The following L1TD1 variants were observed in gnomAD, a reference collection of about 807,000 sequenced individuals.
L1TD1 encodes the protein LINE1 type transposase domain containing 1.
A neutral mutation model predicts 25.7 loss-of-function variants in L1TD1; 26 were observed. That is an observed-to-expected ratio of 1.01 (90% CI 0.74 to 1.40). The LOEUF is 1.40. Ranked by LOEUF, L1TD1 falls within the 40% of genes most tolerant of loss-of-function variation. The pLI, the probability that L1TD1 is intolerant of heterozygous loss-of-function variation, is 0.00. For missense variants in L1TD1, 1,130 were observed against 975.0 expected (o/e 1.16, Z -2.12); for synonymous variants, 421 against 335.6 (o/e 1.25, Z -2.78).
chr1:62,209,313 G>GTTTTTTTTT (rs759636073), intron 3 of L1TD1, among the ~76,000 whole-genome samples: 1 of 133,788 alleles, frequency 7.5e-6, no homozygotes, highest in Non-Finnish European at 1.6e-5. Flanking sequence ...TTTTAATTGG[G>GTTTTTTTTT]TTTGTTGTCT....
Position 62,207,256 on chromosome 1 carries a change from G to A in L1TD1, c.628G>A (p.Glu210Lys), listed in dbSNP as rs1461351088. The A allele has an allele frequency of 6.4e-7, 1 of 1,551,160 alleles. No individual in the cohort carries two copies. The highest frequency in any genetic ancestry group is 8.7e-7 in the Non-Finnish European group (1 of 1,146,890). Residue 210 changes from glutamate to lysine, a missense_variant, in exon 3 of 4, where the codon GAA becomes AAA. Glu to Lys is a moderately conservative substitution (Grantham distance 56). Coordinates refer to ENST00000498273, the MANE Select transcript of L1TD1 (RefSeq NM_019079.5). ...RKDGEDEFVK[E>K]MREERKFQKL... The stretch of plus-strand genomic sequence containing the variant: ...GGATGGAGAGGATGAATTTGTCAAA[G>A]AAATGAGAGAGGAAAGAAAATTTCA...
chr1:62,207,303 G>C lies in L1TD1; in HGVS notation c.675G>C (p.Glu225Asp), dbSNP rs1281640889. Residue 225 changes from glutamate (E) to aspartate (D), a missense_variant, in exon 3 of 4, where the codon GAG (glutamate) becomes GAC (aspartate). Glu to Asp is a conservative substitution (Grantham distance 45). Coordinates refer to ENST00000498273, the MANE Select transcript of L1TD1 (RefSeq NM_019079.5). ...RKFQKLKNKE[E>D]VLKASREEKV... is the part of the protein sequence containing the mutation. The stretch of plus-strand genomic sequence containing the variant: ...TTCAGAAATTGAAGAATAAAGAGGA[G>C]GTTTTAAAAGCCTCCAGAGAAGAAA... The C allele has an allele frequency of 3.9e-6, 6 of 1,550,370 alleles. No homozygotes were observed. The highest frequency in any genetic ancestry group is 5.2e-6 in the Non-Finnish European group (6 of 1,146,702).
chr1:62,207,357 T>G lies in L1TD1; in HGVS notation c.729T>G (p.Leu243=). The change falls in exon 3 of 4, where the codon CTT becomes CTG. Residue 243 remains leucine (L), a synonymous_variant. Transcript: ENST00000498273. ...TGTTGATGGATGAAGGAGCAGTACT[T>G]ACCCTGGTAGCCGACCTTTCATCAG... is the stretch of plus-strand genomic sequence containing the variant. ...EKVLMDEGAV[L]TLVADLSSAT... The G allele has an allele frequency of 1.9e-6, 3 of 1,551,556 alleles. No individual in the cohort carries two copies. Among genetic ancestry groups the G allele is most frequent in the Non-Finnish European group, 2.6e-6 (3 of 1,146,940 alleles).
At chr1:62,207,726 TC>T (rs1670781395) in intron 3 of L1TD1, 90 bp downstream of exon 3, 1 of 1,390,612 alleles carries the variant, frequency 7.2e-7, no homozygotes, top group African/African-American at 1.5e-5. Context: ...ATTTTTTTTT[TC>T]TTGAGATGGA....
At position 62,209,795 on chromosome 1, in the gene L1TD1, A is replaced by G; in HGVS notation, c.1021A>G (p.Ile341Val). 1.3e-6 allele frequency: 2 copies of G among 1,572,426 alleles called. No individual in the cohort carries two copies. The highest frequency in any genetic ancestry group is 1.4e-5 in the African/African-American group (1 of 72,884). Residue 341 changes from isoleucine (I) to valine (V), a missense_variant, in exon 4 of 4, where the codon ATA (isoleucine) becomes GTA (valine). Coordinates refer to ENST00000498273, the MANE Select transcript of L1TD1 (RefSeq NM_019079.5). Reference protein sequence around the residue: ...GIQEKRDKTLIDSKHRAGEIT... With the variant: ...GIQEKRDKTLVDSKHRAGEIT... Reference sequence around the variant, plus strand: ...GTTTAACTTTCAGGATAAAACCCTAATAGACTCAAAGCATAGAGCTGGAGA... The same window carrying G: ...GTTTAACTTTCAGGATAAAACCCTAGTAGACTCAAAGCATAGAGCTGGAGA...
At chr1:62,207,745 T>A (rs1000695546) in intron 3 of L1TD1, 109 bp downstream of exon 3, 31 of 1,323,534 alleles carry the variant, frequency 2.3e-5, no homozygotes, top group Admixed American at 6.0e-5. Flanking sequence ...GGAGTTTCGC[T>A]CTTGTCGGCC....
intron 2 of L1TD1, among the ~76,000 whole-genome samples, chr1:62,203,135 T>A (rs879847169): frequency 6.6e-6 from 1 of 152,166 alleles, no homozygotes; most frequent in Non-Finnish European, 1.5e-5. Flanking sequence ...CTGTTTTAAA[T>A]TTTTATGGTT....
Position 62,211,400 on chromosome 1 carries a change from C to A in L1TD1, c.*28C>A. The A allele has an allele frequency of 6.5e-7, 1 of 1,538,610 alleles. No homozygotes were observed. Reference sequence around the variant, plus strand: ...CGCCAGGGTGACTACAAACAATATGCTTTCCTCCCCCAGCATGCATCCAAA... The same window carrying A: ...CGCCAGGGTGACTACAAACAATATGATTTCCTCCCCCAGCATGCATCCAAA... On this transcript the variant is annotated 3_prime_UTR_variant, in exon 4 of 4. Transcript: ENST00000498273.
Position 62,206,610 on chromosome 1 carries a change from T to C in L1TD1, c.-19T>C, listed in dbSNP as rs1231388424. On this transcript the variant is annotated 5_prime_UTR_variant, in exon 3 of 4. Transcript: ENST00000498273. ...TGTAGGAATTAAAAACAGAATCCAG[T>C]CTTGACAACATATCCACAATGTCTG... 3.8e-5 allele frequency: 55 copies of C among 1,459,586 alleles called. No homozygotes were observed. The highest frequency in any genetic ancestry group is 7.7e-5 in the South Asian group (5 of 64,862). 90.4% of individuals were successfully genotyped at this position (1,459,586 alleles called of 1,614,324 possible).
chr1:62,195,087 G>A (rs542409424), intron 1 of L1TD1, among the ~76,000 whole-genome samples, 166 bp downstream of exon 1: 3 of 151,880 alleles, frequency 2.0e-5, no homozygotes, highest in South Asian at 2.1e-4. Context: ...CCCGGGTAAG[G>A]CTGGTCTAGG....
rs1670828157 is a variant in L1TD1 at position 62,209,987 on chromosome 1, G to T, written c.1213G>T (p.Glu405Ter). The T allele has an allele frequency of 6.8e-7, 1 of 1,470,662 alleles. No individual in the cohort carries two copies. Among genetic ancestry groups the T allele is most frequent in the Admixed American group, 1.8e-5 (1 of 56,220 alleles). The allele number at this position is 1,470,662 out of a possible 1,614,324, so 91.1% of individuals were successfully genotyped here. ...EDDEDTSGLE[E>*]EEEEPSGLEE... The stretch of plus-strand genomic sequence containing the variant: ...TGATGAAGATACCTCAGGGCTGGAG[G>T]AGGAGGAGGAAGAGCCCTCAGGGCT... The change falls in exon 4 of 4, where the codon GAG (glutamate) becomes TAG (stop). Residue 405 changes from glutamate to a stop codon, truncating the protein, a stop_gained. Coordinates refer to ENST00000498273, the MANE Select transcript of L1TD1 (RefSeq NM_019079.5). LOFTEE classifies it low-confidence loss of function (END_TRUNC).
rs900145445 is a variant in L1TD1, at chr1:62,210,953, G to A, written c.2179G>A (p.Glu727Lys). The change falls in exon 4 of 4, where the codon GAA (glutamate) becomes AAA (lysine). Residue 727 changes from glutamate (E) to lysine (K), a missense_variant. Coordinates refer to ENST00000498273, the MANE Select transcript of L1TD1 (RefSeq NM_019079.5). The stretch of plus-strand genomic sequence containing the variant: ...GGACATAATTAAAGAAATAATTGAT[G>A]AAAACTTTGCAGAACTAAAGAAAGG... Reference protein sequence around the residue: ...AEDIIKEIIDENFAELKKGSS... With the variant: ...AEDIIKEIIDKNFAELKKGSS... The A allele has an allele frequency of 6.5e-6, 10 of 1,545,240 alleles. No individual in the cohort carries two copies. In the Admixed American group the frequency reaches 8.1e-5, roughly 13 times the overall value.
intron 2 of L1TD1, among the ~76,000 whole-genome samples, chr1:62,203,686 C>T (rs929138264): frequency 2.0e-5 from 3 of 152,246 alleles, no homozygotes; most frequent in African/African-American, 7.2e-5. Context: ...TCATGCCATT[C>T]TCCTGCCTCA....
chr1:62,205,437 A>ATTTTTTTTTTTTTTTTTTTTTTT (rs1169759217), intron 2 of L1TD1, among the ~76,000 whole-genome samples: 1 of 42,458 alleles, frequency 2.4e-5, no homozygotes, highest in Non-Finnish European at 4.6e-5. Context: ...ATATATATAT[A>ATTTTTTTTTTTTTTTTTTTTTTT]TATATATTTT....
intron 2 of L1TD1, among the ~76,000 whole-genome samples, chr1:62,201,977 C>T (rs139244085): frequency 3.5e-4 from 54 of 152,256 alleles, no homozygotes; most frequent in African/African-American, 1.3e-3. Context: ...TCAGACACTA[C>T]TGGTGCTGGG....
rs771414993 is a variant in L1TD1, at chr1:62,210,428, A to G, written c.1654A>G (p.Thr552Ala). 1.2e-6 allele frequency: 2 copies of G among 1,614,134 alleles called. No individual in the cohort carries two copies. Among genetic ancestry groups the G allele is most frequent in the South Asian group, 2.2e-5 (2 of 91,074 alleles). ...TSQGTGTPCL[T>A]LCLASPSKSL... ...TCAAGGAACTGGCACACCCTGTCTG[A>G]CCTTATGTTTGGCCTCTCCCTCAAA... is the stretch of plus-strand genomic sequence containing the variant. Residue 552 changes from threonine to alanine, a missense_variant, in exon 4 of 4, where the codon ACC (threonine) becomes GCC (alanine). Physicochemically the swap from Thr to Ala is moderately conservative, Grantham distance 58. Coordinates refer to ENST00000498273, the MANE Select transcript of L1TD1 (RefSeq NM_019079.5).
At position 62,211,269 on chromosome 1, in the gene L1TD1, AT is replaced by A; in HGVS notation, c.2499del (p.Phe833LeufsTer24). The A allele has an allele frequency of 6.2e-7, 1 of 1,608,990 alleles. No homozygotes were observed. ...RILYPAKMAFDFRGKTKVFLS... is the reference protein window; with the variant it reads ...RILYPAKMAFXFRGKTKVFLS... ...CTATATCCAGCCAAAATGGCATTTG[AT>A]TTTAGGGGTAAAACAAAGGTATTTC... On this transcript the variant is annotated frameshift_variant, in exon 4 of 4. Transcript: ENST00000498273. LOFTEE classifies it low-confidence loss of function (END_TRUNC).
intron 2 of L1TD1, among the ~76,000 whole-genome samples, chr1:62,205,377 CTCTCTCTCTCTT>C (rs1332340574): frequency 0.03 from 2,425 of 79,778 alleles, 64 homozygotes; most frequent in Middle Eastern, 0.069. Context: ...CTCTCTTTCT[CTCTCTCTCTCTT>C]TCTCTCTCTC....
chr1:62,196,114 T>C (rs1054331734), intron 1 of L1TD1, among the ~76,000 whole-genome samples: 2 of 152,150 alleles, frequency 1.3e-5, no homozygotes, highest in Admixed American at 1.3e-4. Context: ...TTCTTCAATT[T>C]CCTCCGATTG....
Sources: allele counts gnomAD v4.1 joint callset (sites outside exome capture counted in the v4.1 genomes callset), GRCh38; gene constraint gnomAD v4.1.1; transcripts MANE v1.5; gene names NCBI Gene and HGNC (gene_info 2026-07-23, HGNC 2026-07-21).